Variants in GALNT16 observed in about 807,000 individuals in gnomAD.
The protein encoded by GALNT16 is UDP-GalNAc:polypeptide N-acetylgalactosaminyltransferase-like protein 1.
In GALNT16, 40 loss-of-function variants were observed where a neutral mutation model predicts 76.1. That is an observed-to-expected ratio of 0.53 (90% confidence interval 0.41 to 0.68). GALNT16 has a LOEUF of 0.68. GALNT16 is among the 30% of genes least tolerant of loss of function. The pLI is 0.00. For synonymous variants in GALNT16, 276 were observed against 285.2 expected, an observed-to-expected ratio of 0.97 and a Z score of 0.32; for missense variants, 621 against 731.9, an observed-to-expected ratio of 0.85 and a Z score of 1.75.
At chr14:69,372,097 G>A in the GALNT16 span, among the ~76,000 whole-genome samples, 12 of 152,256 alleles carry the variant, frequency 7.9e-5, no homozygotes, top group African/African-American at 2.4e-4. Context: ...TACCTTTATG[G>A]ATGAGCAGGA....
rs188569262 is a variant in GALNT16, at chr14:69,319,012, T to G, written c.178-1699T>G. 3.1e-4 allele frequency among the ~76,000 whole-genome samples: 47 copies of G among 152,376 alleles called. 1 individual carries two copies. In the South Asian group the frequency reaches 9.7e-3, roughly 32 times the overall value. On this transcript the variant is annotated intron_variant, in intron 1 of 14. Transcript: ENST00000448469. ...TTCCTGAAATGGATTTTGAGTTCACTGGGGGCTCCGCCACATCTGTTCAGT... is the reference window on the plus strand; with the variant it reads ...TTCCTGAAATGGATTTTGAGTTCACGGGGGGCTCCGCCACATCTGTTCAGT...
intron 1 of GALNT16, among the ~76,000 whole-genome samples, chr14:69,266,069 C>G (rs906183983): frequency 2.6e-5 from 4 of 152,198 alleles, no homozygotes; most frequent in African/African-American, 7.2e-5. Context: ...TAAGTGCACC[C>G]GACACTAGGT....
intron 1 of GALNT16, among the ~76,000 whole-genome samples, chr14:69,296,725 A>AGGT (rs2044765448): frequency 9.4e-6 from 1 of 106,348 alleles, no homozygotes; most frequent in Admixed American, 1.2e-4. Flanking sequence ...ATGGACAGAT[A>AGGT]GATGATAGAT....
the GALNT16 span, among the ~76,000 whole-genome samples, chr14:69,365,044 T>G: frequency 1.3e-5 from 2 of 152,224 alleles, no homozygotes; most frequent in African/African-American, 4.8e-5. Context: ...CGATGTCTGA[T>G]TCCCAGAATT....
chr14:69,274,420 T>C (rs2044445451), intron 1 of GALNT16, among the ~76,000 whole-genome samples: 1 of 152,216 alleles, frequency 6.6e-6, no homozygotes, highest in Non-Finnish European at 1.5e-5. Flanking sequence ...CTTGGCTAAA[T>C]GGTTCTGGGT....
the GALNT16 span, among the ~76,000 whole-genome samples, chr14:69,363,765 C>G: frequency 5.9e-5 from 9 of 152,120 alleles, no homozygotes; most frequent in African/African-American, 2.2e-4. Context: ...CAGTCCTAAC[C>G]CTGGTTCCTG....
intron 1 of GALNT16, among the ~76,000 whole-genome samples, chr14:69,316,265 G>A (rs558542051): frequency 6.6e-6 from 1 of 152,296 alleles, no homozygotes; most frequent in East Asian, 1.9e-4. Context: ...GGATGGTGGG[G>A]AAAGGAGGAA....
chr14:69,318,262 A>T (rs2045130153), intron 1 of GALNT16, among the ~76,000 whole-genome samples: 1 of 152,122 alleles, frequency 6.6e-6, no homozygotes, highest in African/African-American at 2.4e-5. Context: ...TTTTCCCAAT[A>T]GCATCTTTGA....
chr14:69,368,033 C>T, the GALNT16 span, among the ~76,000 whole-genome samples: 2 of 151,964 alleles, frequency 1.3e-5, no homozygotes, highest in East Asian at 3.9e-4. Context: ...GAAAGAATGG[C>T]AAGAAAGTGA....
At chr14:69,324,272 G>A (rs535120648) in intron 2 of GALNT16, among the ~76,000 whole-genome samples, 2 of 152,238 alleles carry the variant, frequency 1.3e-5, no homozygotes, top group African/African-American at 4.8e-5. Context: ...GAGCTGGGAA[G>A]AGAGAAGGAA....
intron 1 of GALNT16, among the ~76,000 whole-genome samples, chr14:69,317,456 G>C (rs2045118989): frequency 6.6e-6 from 1 of 152,310 alleles, no homozygotes; most frequent in East Asian, 1.9e-4. Context: ...GCATGGGATG[G>C]GGCATGAAAG....
chr14:69,331,645 G>C, intron 7 of GALNT16, 94 bp downstream of exon 7: 1 of 769,688 alleles, frequency 1.3e-6, no homozygotes, highest in Non-Finnish European at 2.3e-6. Flanking sequence ...CTTTCCAGCT[G>C]TGCCAGAGAC....
intron 1 of GALNT16, among the ~76,000 whole-genome samples, chr14:69,292,602 T>A (rs1594826919): frequency 6.6e-6 from 1 of 152,234 alleles, no homozygotes; most frequent in Non-Finnish European, 1.5e-5. Flanking sequence ...TTAGCCAGCC[T>A]CCTGCCCCAG....
chr14:69,295,048 T>A lies in GALNT16; in HGVS notation c.178-25663T>A, dbSNP rs569395354. Among the ~76,000 whole-genome samples the A allele has an allele frequency of 2.9e-4, 44 of 152,344 alleles. No individual in the cohort carries two copies. The South Asian group carries it at 8.9e-3, about 31-fold the overall frequency. ...CCTTTTGATCTTTATGAATACCTTT[T>A]AAAATTTTAATAATCTATTACGAAA... On this transcript the variant is annotated intron_variant, in intron 1 of 14. Transcript: ENST00000448469.
intron 11 of GALNT16, 133 bp downstream of exon 11, chr14:69,339,752 T>C: frequency 1.7e-6 from 1 of 597,474 alleles, no homozygotes; most frequent in South Asian, 2.1e-5. Context: ...TCTAATGGGC[T>C]TCTTTGGGTC....
chr14:69,374,417 T>G, the GALNT16 span, among the ~76,000 whole-genome samples: 2 of 152,242 alleles, frequency 1.3e-5, no homozygotes, highest in Non-Finnish European at 2.9e-5. Flanking sequence ...CTTGTTCTGT[T>G]TAGTCAGATT....
Position 69,333,563 on chromosome 14 carries a change from T to C in GALNT16, c.930T>C (p.Tyr310=). Reference sequence around the variant, plus strand: ...CCTGGTTTAACCACTTGGGAAAGTATGATGCCCAGATGGACATCTGGGGGG... The same window carrying C: ...CCTGGTTTAACCACTTGGGAAAGTACGATGCCCAGATGGACATCTGGGGGG... The part of the protein sequence containing the change: ...DKSWFNHLGK[Y]DAQMDIWGGE... Residue 310 remains tyrosine, a synonymous_variant, in exon 9 of 15, where the codon TAT becomes TAC. Transcript: ENST00000448469. This position sits in a 1 kb window ranked among gnomAD's most constrained non-coding sequence, Gnocchi z 4.2. The C allele has an allele frequency of 6.2e-7, 1 of 1,604,880 alleles. No homozygotes were observed. Among genetic ancestry groups the C allele is most frequent in the South Asian group, 1.1e-5 (1 of 90,362 alleles).
chr14:69,311,737 C>T lies in GALNT16; in HGVS notation c.178-8974C>T, dbSNP rs1203141136. Among the ~76,000 whole-genome samples the T allele has an allele frequency of 4.6e-5, 7 of 152,144 alleles. No homozygotes were observed. The South Asian group carries it at 1.2e-3, about 27-fold the overall frequency. ...CTCTCTTCTGAAAAGTGTTATAAACCGACATGCCCAGCTGGCAATCAAAGG... is the reference window on the plus strand; with the variant it reads ...CTCTCTTCTGAAAAGTGTTATAAACTGACATGCCCAGCTGGCAATCAAAGG... On this transcript the variant is annotated intron_variant, in intron 1 of 14. Transcript: ENST00000448469.
Position 69,333,687 on chromosome 14 carries a change from C to A in GALNT16, c.967+87C>A. 1.3e-6 allele frequency: 1 copy of A among 753,410 alleles called. No individual in the cohort carries two copies. Among genetic ancestry groups the A allele is most frequent in the South Asian group, 1.5e-5 (1 of 66,984 alleles). 46.7% of individuals were successfully genotyped at this position (753,410 alleles called of 1,614,324 possible). On this transcript the variant is annotated intron_variant, in intron 9 of 14. Transcript: ENST00000448469. This position sits in a 1 kb window ranked among gnomAD's most constrained non-coding sequence, Gnocchi z 4.2. ...ACAGAGCACTTTCTATGCGTGAGGA[C>A]CTGCTCTAAGGACTTTACACACATG...
Sources: gnomAD v4.1 joint callset for allele counts (sites outside exome capture counted in the v4.1 genomes callset) on GRCh38, gnomAD v4.1.1 for gene constraint, Gnocchi (gnomAD v3.1) non-coding constraint, MANE v1.5 for transcripts, NCBI Gene and HGNC (gene_info 2026-07-23, HGNC 2026-07-21) for gene names.